COL5A1: variants seen among roughly 807,000 people sequenced by gnomAD.
COL5A1 encodes the protein collagen alpha-1(V) chain.
A neutral mutation model predicts 263.7 loss-of-function variants in COL5A1; 16 were observed. The observed-to-expected ratio is 0.06, with a 90% CI of 0.04 to 0.09. The LOEUF is 0.09. COL5A1 is among the 10% of genes least tolerant of loss of function. COL5A1 has a pLI of 1.00. For synonymous variants in COL5A1, 1,012 were observed against 1,004.5 expected, an observed-to-expected ratio of 1.01 and a Z score of -0.14; for missense variants, 2,036 against 2,540.5, an observed-to-expected ratio of 0.80 and a Z score of 4.27.
Position 134,824,738 on chromosome 9 carries a change from G to C in COL5A1, c.4837G>C (p.Gly1613Arg), listed in dbSNP as rs772523567. 11 of 1,614,070 alleles carry C rather than the reference G, an allele frequency of 6.8e-6. No individual in the cohort carries two copies. Among genetic ancestry groups the C allele is most frequent in the Non-Finnish European group, 9.3e-6 (11 of 1,180,050 alleles). Residue 1613 changes from glycine to arginine, a missense_variant, in exon 62 of 66, where the codon GGC becomes CGC. Physicochemically the swap from Gly to Arg is moderately radical, Grantham distance 125. Coordinates refer to ENST00000371817, the MANE Select transcript of COL5A1 (RefSeq NM_000093.5). ...DYADGMEEIF[G>R]SLNSLKLEIE... ...CGCGGACGGCATGGAAGAGATCTTCGGCTCTCTCAACTCTCTGAAGCTGGA... is the reference window on the plus strand; with the variant it reads ...CGCGGACGGCATGGAAGAGATCTTCCGCTCTCTCAACTCTCTGAAGCTGGA...
rs1554787471 is a variant in COL5A1 at position 134,727,070 on chromosome 9, T to TGGATGGAC, written c.655-189_655-188insCGGATGGA. On this transcript the variant is annotated intron_variant, in intron 4 of 65. Transcript: ENST00000371817. Reference sequence around the variant, plus strand: ...ACGGATGGATGGATGGATGGATGGATGGATGGATGGGCCAGCCTAGCTTGA... The same window carrying TGGATGGAC: ...ACGGATGGATGGATGGATGGATGGATGGATGGACGGATGGATGGGCCAGCCTAGCTTGA... Among the ~76,000 whole-genome samples the TGGATGGAC allele has an allele frequency of 3.3e-3, 507 of 151,354 alleles. 3 individuals are homozygous for TGGATGGAC. The highest frequency in any genetic ancestry group is 8.5e-3 in the African/African-American group (352 of 41,308).
At position 134,826,806 on chromosome 9, in the gene COL5A1, AGGTGTGTG is replaced by A. The variant is rs375525455; in HGVS notation, c.5067+912_5067+919del. 7.3e-4 allele frequency among the ~76,000 whole-genome samples: 100 copies of A among 137,486 alleles called. 1 individual carries two copies. The Middle Eastern group carries it at 0.025, about 34-fold the overall frequency. 90.2% of individuals were successfully genotyped at this position (137,486 alleles called of 152,430 possible). On this transcript the variant is annotated intron_variant, in intron 63 of 65. Transcript: ENST00000371817. ...GTGTTTGGGTACTTGTGGCTGGTGC[AGGTGTGTG>A]GGTGTGTGGCTGGTGTGTGGATGTG...
At chr9:134,791,475 C>T (rs1249255154) in intron 32 of COL5A1, among the ~76,000 whole-genome samples, 1 of 152,010 alleles carries the variant, frequency 6.6e-6, no homozygotes, top group Non-Finnish European at 1.5e-5. Flanking sequence ...TGCAGCACTG[C>T]CTGGCTTTCT....
At chr9:134,721,223 G>A (rs1446733512) in intron 4 of COL5A1, among the ~76,000 whole-genome samples, 1 of 131,456 alleles carries the variant, frequency 7.6e-6, no homozygotes, top group Non-Finnish European at 1.6e-5. Flanking sequence ...ACCCTCTAGA[G>A]CCCCCTCAAC....
At chr9:134,662,025 G>A (rs1271788568) in intron 1 of COL5A1, among the ~76,000 whole-genome samples, 1 of 151,722 alleles carries the variant, frequency 6.6e-6, no homozygotes, top group Non-Finnish European at 1.5e-5. Context: ...CTCTGTGCCT[G>A]TCTGTTGGCT....
At chr9:134,779,211 G>A (rs984969624) in intron 27 of COL5A1, among the ~76,000 whole-genome samples, 1 of 152,230 alleles carries the variant, frequency 6.6e-6, no homozygotes, top group Non-Finnish European at 1.5e-5. Flanking sequence ...GAGGTAGCCC[G>A]AGGTAGTCTC....
intron 34 of COL5A1, 70 bp from the exon 35 acceptor site, chr9:134,796,304 T>C (rs917780577): frequency 6.5e-7 from 1 of 1,535,518 alleles, no homozygotes; most frequent in Admixed American, 1.7e-5. Flanking sequence ...TTGATGACGT[T>C]GTGGGCCAGA....
intron 1 of COL5A1, chr9:134,649,347 G>A (rs1316084596): frequency 2.6e-6 from 1 of 381,328 alleles, no homozygotes; most frequent in Non-Finnish European, 5.3e-6. Context: ...ACCATCCTTT[G>A]ATGACTCAGA....
chr9:134,692,946 G>A (rs1246011647), intron 2 of COL5A1, among the ~76,000 whole-genome samples: 4 of 152,124 alleles, frequency 2.6e-5, no homozygotes, highest in South Asian at 2.1e-4. Context: ...GGTGGTGCGC[G>A]CCTGTAATCC....
Position 134,811,365 on chromosome 9 carries a change from A to G in COL5A1, c.3555A>G (p.Gln1185=). The G allele has an allele frequency of 6.2e-7, 1 of 1,611,442 alleles. No homozygotes were observed. The highest frequency in any genetic ancestry group is 8.5e-7 in the Non-Finnish European group (1 of 1,179,112). Residue 1185 remains glutamine (Q), a synonymous_variant, in exon 45 of 66, where the codon CAA becomes CAG. Coordinates refer to ENST00000371817, the MANE Select transcript of COL5A1 (RefSeq NM_000093.5). ...EQGPPGPTGP[Q]GPIGQPGPSG... The stretch of plus-strand genomic sequence containing the variant: ...GTCCTCCTGGGCCTACAGGTCCTCA[A>G]GGCCCCATCGGACAGCCAGGCCCCT...
chr9:134,725,680 CT>C (rs1266528716), intron 4 of COL5A1, among the ~76,000 whole-genome samples: 1 of 152,194 alleles, frequency 6.6e-6, no homozygotes, highest in Non-Finnish European at 1.5e-5. Flanking sequence ...TGCTTGCATG[CT>C]TTTCCCGGCT....
intron 29 of COL5A1, among the ~76,000 whole-genome samples, chr9:134,783,535 G>A (rs1005895155): frequency 6.6e-6 from 1 of 152,174 alleles, no homozygotes; most frequent in East Asian, 1.9e-4. Flanking sequence ...AACCGAAGAC[G>A]CCTCGGCCTC....
intron 28 of COL5A1, among the ~76,000 whole-genome samples, chr9:134,782,106 G>A (rs899529209): frequency 6.6e-6 from 1 of 152,208 alleles, no homozygotes; most frequent in African/African-American, 2.4e-5. Context: ...ACTGACGCGC[G>A]GCAGCCTCAC....
At position 134,680,897 on chromosome 9, in the gene COL5A1, A is replaced by T. The variant is rs990800047; in HGVS notation, c.110-10015A>T. ...GCAGTGAGCGCAGGGACAGGCTGGG[A>T]GTTTGGGCTCAGGTCTCCAGGTCTC... On this transcript the variant is annotated intron_variant, in intron 1 of 65. Coordinates refer to ENST00000371817, the MANE Select transcript of COL5A1 (RefSeq NM_000093.5). This position sits in a 1 kb window ranked among gnomAD's most constrained non-coding sequence, Gnocchi z 5.9. Among the ~76,000 whole-genome samples, 2 of 151,966 alleles carry T rather than the reference A, an allele frequency of 1.3e-5. No individual in the cohort carries two copies. Among genetic ancestry groups the T allele is most frequent in the Non-Finnish European group, 2.9e-5 (2 of 67,986 alleles).
At chr9:134,752,677 T>C in intron 14 of COL5A1, 32 bp downstream of exon 14, 3 of 1,570,984 alleles carry the variant, frequency 1.9e-6, no homozygotes, top group Non-Finnish European at 2.6e-6. Context: ...GAGCTGGGCG[T>C]GGTGTGGGGA....
chr9:134,783,673 C>T (rs949683433), intron 29 of COL5A1, among the ~76,000 whole-genome samples: 1 of 152,146 alleles, frequency 6.6e-6, no homozygotes, highest in African/African-American at 2.4e-5. Context: ...CTTTCCAGAA[C>T]AGGAAAGCCC....
At position 134,750,590 on chromosome 9, in the gene COL5A1, C is replaced by T; in HGVS notation, c.1543C>T (p.Pro515Ser). The change falls in exon 12 of 66, where the codon CCT becomes TCT. Residue 515 changes from proline (P) to serine (S), a missense_variant. Pro to Ser is a moderately conservative substitution (Grantham distance 74). Around this residue, in one of 3 missense-constraint regions of COL5A1, gnomAD observed 1,078 missense variants for 1,521.4 expected, o/e 0.71. Coordinates refer to ENST00000371817, the MANE Select transcript of COL5A1 (RefSeq NM_000093.5). ...TCCTGGGGCCGATGGCCTGCCCGGT[C>T]CTCCAGGAACCATGCTCATGCTGCC... is the stretch of plus-strand genomic sequence containing the variant. ...GLPGADGLPG[P>S]PGTMLMLPFR... The T allele has an allele frequency of 1.9e-6, 3 of 1,613,568 alleles. No homozygotes were observed. Among genetic ancestry groups the T allele is most frequent in the Non-Finnish European group, 2.5e-6 (3 of 1,180,038 alleles).
chr9:134,780,910 G>A (rs1837226755), intron 28 of COL5A1, among the ~76,000 whole-genome samples: 1 of 152,242 alleles, frequency 6.6e-6, no homozygotes, highest in Admixed American at 6.5e-5. Flanking sequence ...GCTCTGTTGT[G>A]GGTTCGCCCT....
At position 134,812,703 on chromosome 9, in the gene COL5A1, G is replaced by A. The variant is rs1478023996; in HGVS notation, c.3843G>A (p.Val1281=). The A allele has an allele frequency of 6.3e-7, 1 of 1,575,926 alleles. No homozygotes were observed. Among genetic ancestry groups the A allele is most frequent in the African/African-American group, 1.3e-5 (1 of 74,530 alleles). The change falls in exon 48 of 66, where the codon GTG becomes GTA. Residue 1281 remains valine, a synonymous_variant. Transcript: ENST00000371817. Reference sequence around the variant, plus strand: ...GTGGAATAGGAAACCCTGGTGCAGTGGGAGAGAAGGTGAGGCTCGTGCCTG... The same window carrying A: ...GTGGAATAGGAAACCCTGGTGCAGTAGGAGAGAAGGTGAGGCTCGTGCCTG... ...PPGGIGNPGA[V]GEKGEPGEAG...
Sources: gnomAD v4.1 joint callset for allele counts (sites outside exome capture counted in the v4.1 genomes callset) on GRCh38, gnomAD v4.1.1 for gene constraint, gnomAD v4.1.1 regional missense constraint, Gnocchi (gnomAD v3.1) non-coding constraint, MANE v1.5 for transcripts, NCBI Gene and HGNC (gene_info 2026-07-23, HGNC 2026-07-21) for gene names.